XRCC4: variants seen among roughly 807,000 people sequenced by gnomAD.
The protein encoded by XRCC4 is X-ray repair cross complementing 4.
In XRCC4, 28 loss-of-function variants were observed where a neutral mutation model predicts 39.1. The observed-to-expected ratio is 0.72, with a 90% CI of 0.53 to 0.98. The LOEUF (loss-of-function observed/expected upper bound fraction) is 0.98, where lower values mean the gene tolerates loss of function less well. Ranked by LOEUF, XRCC4 falls within the 50% of genes least tolerant of loss-of-function variation. The pLI is 0.00. For missense variants in XRCC4, 350 were observed against 376.4 expected (o/e 0.93, Z 0.58); for synonymous variants, 123 against 126.4 (o/e 0.97, Z 0.18).
intron 3 of XRCC4, among the ~76,000 whole-genome samples, chr5:83,192,453 A>T (rs1481466949): frequency 6.6e-6 from 1 of 151,448 alleles, no homozygotes; most frequent in Admixed American, 6.6e-5. Context: ...GACTACAGGC[A>T]CACGCCACCA....
At chr5:83,124,363 A>G (rs1334198983) in intron 3 of XRCC4, among the ~76,000 whole-genome samples, 3 of 152,154 alleles carry the variant, frequency 2.0e-5, no homozygotes, top group Non-Finnish European at 4.4e-5. Flanking sequence ...GTGGAATTGT[A>G]CAATATATAT....
In XRCC4 at chr5:83,083,657, T is replaced by C. The variant is rs559799926; in HGVS notation, c.-11+6042T>C. On this transcript the variant is annotated intron_variant, in intron 1 of 7. Coordinates refer to ENST00000396027, the MANE Select transcript of XRCC4 (RefSeq NM_003401.5). ...TCCCAAAGTGCTGGGATTACAGGCA[T>C]GAAGGTGCTGGGATTACAGGCATGA... 6.0e-5 allele frequency among the ~76,000 whole-genome samples: 9 copies of C among 150,648 alleles called. No homozygotes were observed. The South Asian group carries it at 6.2e-4, about 10-fold the overall frequency.
chr5:83,223,097 G>A (rs562856116), intron 6 of XRCC4, among the ~76,000 whole-genome samples: 7 of 152,206 alleles, frequency 4.6e-5, no homozygotes, highest in African/African-American at 7.2e-5. Flanking sequence ...GTGGTCTAAC[G>A]TGTCATCTAT....
At chr5:83,087,571 G>C (rs1248201917) in intron 1 of XRCC4, among the ~76,000 whole-genome samples, 2 of 152,150 alleles carry the variant, frequency 1.3e-5, no homozygotes, top group South Asian at 4.2e-4. Context: ...GCTGAGGCAG[G>C]GGAATCACTT....
At chr5:83,112,337 A>G (rs1429789546) in intron 3 of XRCC4, among the ~76,000 whole-genome samples, 2 of 152,212 alleles carry the variant, frequency 1.3e-5, no homozygotes, top group African/African-American at 4.8e-5. Flanking sequence ...AGACTCTTCT[A>G]ATGTTTTGAA....
intron 3 of XRCC4, among the ~76,000 whole-genome samples, chr5:83,178,146 G>C (rs181288524): frequency 6.6e-6 from 1 of 152,116 alleles, no homozygotes; most frequent in African/African-American, 2.4e-5. Context: ...GTTACTAGAT[G>C]GGTAGAGGTT....
intron 6 of XRCC4, among the ~76,000 whole-genome samples, chr5:83,227,611 GT>G (rs1275326388): frequency 6.6e-6 from 1 of 151,892 alleles, no homozygotes; most frequent in East Asian, 1.9e-4. Context: ...TCTCCGGTTG[GT>G]ATTATTTCAG....
At chr5:83,279,091 T>A (rs1754444550) in intron 7 of XRCC4, among the ~76,000 whole-genome samples, 1 of 143,068 alleles carries the variant, frequency 7.0e-6, no homozygotes, top group Admixed American at 6.9e-5. Context: ...TATTATAAAA[T>A]ATATATAATA....
downstream of XRCC4, among the ~76,000 whole-genome samples, chr5:83,356,418 G>C (rs1284203256): frequency 6.6e-6 from 1 of 152,116 alleles, no homozygotes; most frequent in African/African-American, 2.4e-5. Flanking sequence ...GAGATGTAGG[G>C]AAGGTATTTC....
chr5:83,348,145 T>A (rs889755510), intron 7 of XRCC4, among the ~76,000 whole-genome samples: 17 of 152,174 alleles, frequency 1.1e-4, no homozygotes, highest in Non-Finnish European at 2.4e-4. Context: ...CTGCAGCTTT[T>A]CCAGATGCAT....
At chr5:83,237,334 A>G (rs930783144) in intron 6 of XRCC4, among the ~76,000 whole-genome samples, 2 of 152,160 alleles carry the variant, frequency 1.3e-5, no homozygotes, top group East Asian at 3.8e-4. Flanking sequence ...GAATGAATGG[A>G]TAAAGAAAAT....
chr5:83,320,898 G>A (rs1157757653), intron 7 of XRCC4, among the ~76,000 whole-genome samples: 1 of 137,500 alleles, frequency 7.3e-6, no homozygotes, highest in Non-Finnish European at 1.5e-5. Context: ...TGCAACCTCT[G>A]CCTCCCATGT....
chr5:83,237,261 C>CATTGCAACACTCATTT (rs1199470011), intron 6 of XRCC4, among the ~76,000 whole-genome samples: 6 of 152,052 alleles, frequency 3.9e-5, no homozygotes, highest in African/African-American at 1.4e-4. Flanking sequence ...CCTTTATTCT[C>CATTGCAACACTCATTT]ATGCTTATTG....
downstream of XRCC4, among the ~76,000 whole-genome samples, chr5:83,354,065 C>T (rs1305554854): frequency 5.3e-5 from 8 of 152,236 alleles, no homozygotes; most frequent in Admixed American, 2.6e-4. Flanking sequence ...CCATTCCTTC[C>T]GTGCTACTCA....
At position 83,112,935 on chromosome 5, in the gene XRCC4, G is replaced by A. The variant is rs866608552; in HGVS notation, c.315+1732G>A. ...AGACACAGCCAAACCATATCATTCC[G>A]CCCAGCCCCTCCCAAATCTCATGTC... On this transcript the variant is annotated intron_variant, in intron 3 of 7. Transcript: ENST00000396027. Among the ~76,000 whole-genome samples the A allele has an allele frequency of 4.6e-5, 7 of 152,088 alleles. No homozygotes were observed. The South Asian group carries it at 6.2e-4, about 14-fold the overall frequency.
chr5:83,250,174 T>C (rs1753254144), intron 6 of XRCC4, among the ~76,000 whole-genome samples: 1 of 152,312 alleles, frequency 6.6e-6, no homozygotes, highest in East Asian at 1.9e-4. Flanking sequence ...ATTGTAGTTT[T>C]GTTTTCTGAG....
intron 7 of XRCC4, among the ~76,000 whole-genome samples, chr5:83,344,919 T>G (rs1756874278): frequency 6.6e-6 from 1 of 152,206 alleles, no homozygotes; most frequent in South Asian, 2.1e-4. Context: ...TATTTGATAT[T>G]ATTGTACATT....
At chr5:83,259,705 ATT>A (rs754573886) in intron 7 of XRCC4, among the ~76,000 whole-genome samples, 2 of 151,934 alleles carry the variant, frequency 1.3e-5, no homozygotes, top group Non-Finnish European at 2.9e-5. Context: ...CATATACTGG[ATT>A]TGTGTTATTT....
rs545638025 is a variant in XRCC4, at chr5:83,321,556, A to G, written c.894-31575A>G. 9.8e-5 allele frequency among the ~76,000 whole-genome samples: 15 copies of G among 152,310 alleles called. No individual in the cohort carries two copies. The South Asian group carries it at 1.9e-3, about 19-fold the overall frequency. On this transcript the variant is annotated intron_variant, in intron 7 of 7. Transcript: ENST00000396027. ...CTATTAAGCCACAGAAAATATTAAT[A>G]AGGTGAATATGTTAACTTTATTTTT...
Sources: allele counts gnomAD v4.1 joint callset (sites outside exome capture counted in the v4.1 genomes callset), GRCh38; gene constraint gnomAD v4.1.1; transcripts MANE v1.5; gene names NCBI Gene and HGNC (gene_info 2026-07-23, HGNC 2026-07-21).